The following FHIT variants were observed in gnomAD, a reference collection of about 807,000 sequenced individuals.
FHIT encodes bis(5'-adenosyl)-triphosphatase.
Under a neutral mutation model 17.9 loss-of-function variants are expected in FHIT, and 19 were observed. The ratio of observed to expected loss-of-function variants is 1.06; its 90% CI spans 0.74 to 1.56. The LOEUF is 1.56. Ranked by LOEUF, FHIT falls within the 40% of genes most tolerant of loss-of-function variation. The pLI is 0.00. For missense variants in FHIT, 248 were observed against 189.2 expected, an observed-to-expected ratio of 1.31 and a Z score of -1.82; for synonymous variants, 81 against 69.7, an observed-to-expected ratio of 1.16 and a Z score of -0.81.
intron 5 of FHIT, among the ~76,000 whole-genome samples, chr3:60,470,417 C>G (rs1576712261): frequency 6.6e-6 from 1 of 152,026 alleles, no homozygotes; most frequent in Admixed American, 6.5e-5. Context: ...AGCTGGCACC[C>G]AAACCATAAG....
intron 3 of FHIT, among the ~76,000 whole-genome samples, chr3:60,933,021 T>A (rs903705662): frequency 1.2e-4 from 18 of 152,266 alleles, no homozygotes; most frequent in African/African-American, 3.8e-4. Context: ...TGTAATTTTT[T>A]AAAAAATGGT....
intron 5 of FHIT, among the ~76,000 whole-genome samples, chr3:60,127,258 G>A (rs1009672005): frequency 6.6e-6 from 1 of 152,144 alleles, no homozygotes; most frequent in Non-Finnish European, 1.5e-5. Flanking sequence ...TTATTAATGA[G>A]TACCCAGACC....
At chr3:60,089,430 G>T (rs1487283400) in intron 5 of FHIT, among the ~76,000 whole-genome samples, 1 of 152,154 alleles carries the variant, frequency 6.6e-6, no homozygotes, top group East Asian at 1.9e-4. Context: ...CAGAGTAGAT[G>T]AAGCTCAACA....
At chr3:59,846,755 C>A (rs977476236) in intron 8 of FHIT, among the ~76,000 whole-genome samples, 2 of 152,126 alleles carry the variant, frequency 1.3e-5, no homozygotes, top group East Asian at 1.9e-4. Context: ...TCTTGAAGGG[C>A]AGATCTAGTT....
At chr3:60,201,991 CAT>C (rs1702933510) in intron 5 of FHIT, among the ~76,000 whole-genome samples, 2 of 152,264 alleles carry the variant, frequency 1.3e-5, no homozygotes, top group South Asian at 4.1e-4. Flanking sequence ...GGATTGCCCA[CAT>C]ATGTCTTCTT....
chr3:60,128,672 C>T (rs924628165), intron 5 of FHIT, among the ~76,000 whole-genome samples: 6 of 152,202 alleles, frequency 3.9e-5, no homozygotes, highest in African/African-American at 7.2e-5. Flanking sequence ...CTGCAACCAA[C>T]TGATCACCAT....
intron 3 of FHIT, among the ~76,000 whole-genome samples, chr3:60,903,839 G>T (rs1369932537): frequency 1.3e-5 from 2 of 152,140 alleles, no homozygotes; most frequent in African/African-American, 4.8e-5. Context: ...AGGAAGTCAG[G>T]TTTTTCTAGC....
intron 2 of FHIT, among the ~76,000 whole-genome samples, chr3:61,044,317 C>A (rs1356681005): frequency 2.6e-5 from 4 of 152,102 alleles, no homozygotes; most frequent in African/African-American, 9.7e-5. Flanking sequence ...AACCATGGCT[C>A]AAGAACTACA....
At chr3:60,166,101 T>A (rs1340872821) in intron 5 of FHIT, among the ~76,000 whole-genome samples, 1 of 152,092 alleles carries the variant, frequency 6.6e-6, no homozygotes, top group African/African-American at 2.4e-5. Context: ...ATATTATGTT[T>A]AAGCAAATCA....
chr3:60,478,893 CAG>C (rs2033473894), intron 5 of FHIT, among the ~76,000 whole-genome samples: 2 of 152,100 alleles, frequency 1.3e-5, no homozygotes, highest in Non-Finnish European at 2.9e-5. Context: ...CCACATAGCA[CAG>C]AGTGTGCTAT....
chr3:60,729,326 G>C (rs1031466382), intron 4 of FHIT, among the ~76,000 whole-genome samples: 2 of 152,150 alleles, frequency 1.3e-5, no homozygotes, highest in Admixed American at 1.3e-4. Flanking sequence ...CCACAGAACT[G>C]GCTTTAACAG....
chr3:60,359,158 C>T (rs545394883), intron 5 of FHIT, among the ~76,000 whole-genome samples: 2 of 151,938 alleles, frequency 1.3e-5, no homozygotes, highest in African/African-American at 4.8e-5. Flanking sequence ...TTGAGAATTA[C>T]ACAGCAGAGA....
chr3:61,108,817 C>T (rs2036068495), intron 2 of FHIT, among the ~76,000 whole-genome samples: 1 of 152,196 alleles, frequency 6.6e-6, no homozygotes. Flanking sequence ...ATACTATGCA[C>T]ATATGATATG....
At chr3:60,894,946 C>A (rs1290116217) in intron 3 of FHIT, among the ~76,000 whole-genome samples, 1 of 152,148 alleles carries the variant, frequency 6.6e-6, no homozygotes, top group African/African-American at 2.4e-5. Flanking sequence ...TAGTCTCTCA[C>A]ACATACAATG....
intron 3 of FHIT, among the ~76,000 whole-genome samples, chr3:60,867,731 A>G (rs782660275): frequency 4.6e-5 from 7 of 152,128 alleles, no homozygotes; most frequent in South Asian, 2.1e-4. Flanking sequence ...TTCTCCCCCA[A>G]AAGTTCACAT....
rs576686306 is a variant in FHIT, at chr3:60,892,687, G to T, written c.-110-70676C>A. On this transcript the variant is annotated intron_variant, in intron 3 of 9. Coordinates refer to ENST00000492590, the MANE Select transcript of FHIT (RefSeq NM_002012.4). ...AACATTGATACTAACATTACTGGAAGCATAAAAGCATTAGAAAGACATTAA... is the reference window on the plus strand; with the variant it reads ...AACATTGATACTAACATTACTGGAATCATAAAAGCATTAGAAAGACATTAA... 5.3e-5 allele frequency among the ~76,000 whole-genome samples: 8 copies of T among 152,224 alleles called. No homozygotes were observed. The South Asian group carries it at 1.0e-3, about 20-fold the overall frequency.
At chr3:60,790,046 T>G (rs1443186942) in intron 4 of FHIT, among the ~76,000 whole-genome samples, 9 of 152,218 alleles carry the variant, frequency 5.9e-5, no homozygotes, top group African/African-American at 2.2e-4. Context: ...ATAAATAGGC[T>G]AATACTCTGG....
At chr3:60,103,458 G>A (rs116813761) in intron 5 of FHIT, among the ~76,000 whole-genome samples, 2 of 152,130 alleles carry the variant, frequency 1.3e-5, no homozygotes, top group South Asian at 2.1e-4. Context: ...CAAACACCAC[G>A]ATAAATTTGT....
At chr3:61,236,897 C>T (rs1048155797) in intron 1 of FHIT, among the ~76,000 whole-genome samples, 1 of 152,146 alleles carries the variant, frequency 6.6e-6, no homozygotes, top group African/African-American at 2.4e-5. Flanking sequence ...CAGGAGAGAA[C>T]CCACAATGAA....
Sources: allele counts gnomAD v4.1 joint callset (sites outside exome capture counted in the v4.1 genomes callset), GRCh38; gene constraint gnomAD v4.1.1; transcripts MANE v1.5; gene names NCBI Gene and HGNC (gene_info 2026-07-23, HGNC 2026-07-21).